LRP1B: variants seen among roughly 807,000 people sequenced by gnomAD.
LRP1B encodes LDL receptor related protein 1B, also known as low-density lipoprotein receptor-related protein 1B.
A neutral mutation model predicts 556.6 loss-of-function variants in LRP1B; 217 were observed. The ratio of observed to expected loss-of-function variants is 0.39; its 90% CI spans 0.35 to 0.44. LRP1B has a LOEUF of 0.44. Ranked by LOEUF, LRP1B falls within the 20% of genes least tolerant of loss-of-function variation. The pLI is 1.00. For missense variants in LRP1B, 5,053 were observed against 5,620.8 expected, an observed-to-expected ratio of 0.90 and a Z score of 3.23; for synonymous variants, 2,047 against 1,865.8, an observed-to-expected ratio of 1.10 and a Z score of -2.50.
intron 11 of LRP1B, among the ~76,000 whole-genome samples, chr2:141,025,142 G>C (rs1258532216): frequency 1.1e-4 from 16 of 152,010 alleles, no homozygotes; most frequent in Non-Finnish European, 2.2e-4. Context: ...CAAACAAATT[G>C]GTGAGTGTAT....
At position 142,033,661 on chromosome 2, in the gene LRP1B, G is replaced by C. The variant is rs531389929; in HGVS notation, c.82+96987C>G. Among the ~76,000 whole-genome samples, 3 of 151,736 alleles carry C rather than the reference G, an allele frequency of 2.0e-5. No homozygotes were observed. In the East Asian group the frequency reaches 5.9e-4, roughly 30 times the overall value. On this transcript the variant is annotated intron_variant, in intron 1 of 90. Coordinates refer to ENST00000389484, the MANE Select transcript of LRP1B (RefSeq NM_018557.3). ...CATTCTCCTTCTATAAATGGGTTTAGGTAGGGGTATGTATCCTAGGCATTC... is the reference window on the plus strand; with the variant it reads ...CATTCTCCTTCTATAAATGGGTTTACGTAGGGGTATGTATCCTAGGCATTC...
intron 1 of LRP1B, among the ~76,000 whole-genome samples, chr2:141,834,960 C>A (rs1697224025): frequency 6.6e-6 from 1 of 151,692 alleles, no homozygotes; most frequent in African/African-American, 2.4e-5. Flanking sequence ...AGAAAAAAGA[C>A]CTTAGACTTA....
At chr2:142,078,094 T>C (rs1018814950) in intron 1 of LRP1B, among the ~76,000 whole-genome samples, 2 of 152,154 alleles carry the variant, frequency 1.3e-5, no homozygotes, top group African/African-American at 4.8e-5. Flanking sequence ...CCCTGCACTT[T>C]GTTCCCTATC....
chr2:140,669,637 A>G (rs1317088157), intron 41 of LRP1B, among the ~76,000 whole-genome samples: 2 of 152,098 alleles, frequency 1.3e-5, no homozygotes, highest in Non-Finnish European at 2.9e-5. Flanking sequence ...TATAACTGTT[A>G]CTTTTACTGA....
intron 1 of LRP1B, among the ~76,000 whole-genome samples, chr2:141,943,411 A>G (rs1329696246): frequency 1.3e-5 from 2 of 152,158 alleles, no homozygotes; most frequent in Non-Finnish European, 2.9e-5. Context: ...ACCCCCTGCT[A>G]AGTAAAATAA....
At chr2:142,008,630 A>G (rs1028690711) in intron 1 of LRP1B, among the ~76,000 whole-genome samples, 1 of 149,972 alleles carries the variant, frequency 6.7e-6, no homozygotes, top group Admixed American at 6.7e-5. Flanking sequence ...AGTTTCTTTT[A>G]CTGAACTCTT....
chr2:141,642,773 G>C (rs1689387511), intron 2 of LRP1B, among the ~76,000 whole-genome samples: 2 of 152,050 alleles, frequency 1.3e-5, no homozygotes, highest in Non-Finnish European at 2.9e-5. Flanking sequence ...TAACGTTTTT[G>C]GTGGCACTAA....
intron 1 of LRP1B, among the ~76,000 whole-genome samples, chr2:141,962,173 T>C (rs1701419852): frequency 6.6e-6 from 1 of 151,768 alleles, no homozygotes; most frequent in Non-Finnish European, 1.5e-5. Context: ...ATTTGTTGAA[T>C]AAAATTAATA....
chr2:141,238,132 A>G (rs1178798551), intron 5 of LRP1B, among the ~76,000 whole-genome samples: 1 of 152,206 alleles, frequency 6.6e-6, no homozygotes, highest in Non-Finnish European at 1.5e-5. Flanking sequence ...TTAGATTATT[A>G]CATGATTATT....
chr2:141,148,778 A>G (rs538092615), intron 7 of LRP1B, among the ~76,000 whole-genome samples: 8 of 152,170 alleles, frequency 5.3e-5, no homozygotes, highest in African/African-American at 1.7e-4. Context: ...AAGTAGAGTG[A>G]CTCTTATAGA....
intron 66 of LRP1B, among the ~76,000 whole-genome samples, chr2:140,404,574 C>T (rs1291978881): frequency 6.6e-6 from 1 of 152,076 alleles, no homozygotes; most frequent in Non-Finnish European, 1.5e-5. Context: ...CAATACCTCA[C>T]ATATCAATAT....
chr2:141,096,444 C>G (rs1482517735), intron 7 of LRP1B, among the ~76,000 whole-genome samples: 7 of 151,934 alleles, frequency 4.6e-5, no homozygotes, highest in African/African-American at 9.7e-5. Context: ...AAAAATTATC[C>G]CGGGATGATG....
intron 2 of LRP1B, among the ~76,000 whole-genome samples, chr2:141,542,167 C>T (rs1685284499): frequency 6.6e-6 from 1 of 152,012 alleles, no homozygotes; most frequent in African/African-American, 2.4e-5. Flanking sequence ...TGAACAATTG[C>T]AAGCTTTGCA....
chr2:141,651,627 T>G (rs1362052296), intron 2 of LRP1B, among the ~76,000 whole-genome samples: 2 of 152,170 alleles, frequency 1.3e-5, no homozygotes, highest in East Asian at 3.9e-4. Context: ...ATCGTGCCAT[T>G]GCACTCCAGC....
chr2:140,410,815 A>G (rs1684941314), intron 66 of LRP1B, among the ~76,000 whole-genome samples: 1 of 152,184 alleles, frequency 6.6e-6, no homozygotes, highest in African/African-American at 2.4e-5. Flanking sequence ...TTGGTATTCT[A>G]AAACGTATAT....
intron 7 of LRP1B, among the ~76,000 whole-genome samples, chr2:141,160,831 G>T (rs1244057582): frequency 1.5e-5 from 2 of 131,836 alleles, no homozygotes; most frequent in Admixed American, 1.6e-4. Flanking sequence ...TTATTTTGGT[G>T]ATGGCAAAAT....
At chr2:140,559,021 C>A (rs911157556) in intron 43 of LRP1B, among the ~76,000 whole-genome samples, 1 of 151,112 alleles carries the variant, frequency 6.6e-6, no homozygotes, top group African/African-American at 2.4e-5. Flanking sequence ...GCTACAATAT[C>A]AAAAACATTT....
At chr2:141,994,173 C>T (rs115689810) in intron 1 of LRP1B, among the ~76,000 whole-genome samples, 59 of 152,144 alleles carry the variant, frequency 3.9e-4, no homozygotes, top group African/African-American at 1.3e-3. Context: ...GTCTGTTCTC[C>T]GTTTTCTTCT....
In LRP1B at chr2:141,081,119, C is replaced by G. The variant is rs551659982; in HGVS notation, c.1014-18846G>C. On this transcript the variant is annotated intron_variant, in intron 7 of 90. Coordinates refer to ENST00000389484, the MANE Select transcript of LRP1B (RefSeq NM_018557.3). ...AAATGCTGGGACTATAGGCATGAACCACTGCACCCAGCAGAGCATTTGCTT... is the reference window on the plus strand; with the variant it reads ...AAATGCTGGGACTATAGGCATGAACGACTGCACCCAGCAGAGCATTTGCTT... Among the ~76,000 whole-genome samples, 12 of 152,290 alleles carry G rather than the reference C, an allele frequency of 7.9e-5. No individual in the cohort carries two copies. In the East Asian group the frequency reaches 2.3e-3, roughly 29 times the overall value.
Sources: gnomAD v4.1 joint callset for allele counts (sites outside exome capture counted in the v4.1 genomes callset) on GRCh38, gnomAD v4.1.1 for gene constraint, MANE v1.5 for transcripts, NCBI Gene and HGNC (gene_info 2026-07-23, HGNC 2026-07-21) for gene names.